The following PHLPP2 variants were observed in gnomAD, a reference collection of about 807,000 sequenced individuals.
The protein encoded by PHLPP2 is PH domain and leucine rich repeat protein phosphatase 2, also known as PH domain leucine-rich repeat-containing protein phosphatase 2.
Under a neutral mutation model 124.9 loss-of-function variants are expected in PHLPP2, and 66 were observed. The ratio of observed to expected loss-of-function variants is 0.53; its 90% CI spans 0.43 to 0.65. The LOEUF is 0.65. PHLPP2 is among the 30% of genes least tolerant of loss of function. PHLPP2 has a pLI of 0.00. For synonymous variants in PHLPP2, 681 were observed against 624.7 expected (o/e 1.09, Z -1.34); for missense variants, 1,685 against 1,600.4 (o/e 1.05, Z -0.90).
intron 2 of PHLPP2, among the ~76,000 whole-genome samples, chr16:71,712,020 T>C (rs887299199): frequency 4.6e-5 from 7 of 152,376 alleles, no homozygotes; most frequent in African/African-American, 1.2e-4. Flanking sequence ...TGCAGGGCAG[T>C]ACCTGCCTGT....
rs540816929 is a variant in PHLPP2, at chr16:71,648,822, G to C, written c.*68C>G. The C allele has an allele frequency of 7.4e-6, 8 of 1,083,698 alleles. No homozygotes were observed. The highest frequency in any genetic ancestry group is 4.3e-5 in the South Asian group (3 of 69,406). The allele number at this position is 1,083,698 out of a possible 1,614,324, so 67.1% of individuals were successfully genotyped here. A position where few individuals can be genotyped will look rare whatever the true frequency, so the allele number is the denominator to read the frequency against. On this transcript the variant is annotated 3_prime_UTR_variant, in exon 19 of 19. Coordinates refer to ENST00000568954, the MANE Select transcript of PHLPP2 (RefSeq NM_015020.3). ...ACAAACAAAAAGAAATGTAGAGGCA[G>C]AATGCCTCTAGCAAGTCCCTACCCC...
At chr16:71,674,057 T>C (rs536848135) in intron 9 of PHLPP2, among the ~76,000 whole-genome samples, 1 of 151,924 alleles carries the variant, frequency 6.6e-6, no homozygotes, top group African/African-American at 2.4e-5. Context: ...CAAACCTACA[T>C]TCTGCTTTAT....
chr16:71,721,671 GAAAAA>G (rs11339364), intron 1 of PHLPP2, among the ~76,000 whole-genome samples: 3 of 148,708 alleles, frequency 2.0e-5, no homozygotes, highest in Admixed American at 6.7e-5. Flanking sequence ...AACTGTTCTT[GAAAAA>G]AAAAAAATGA....
At chr16:71,705,922 A>T (rs1348531938) in intron 2 of PHLPP2, among the ~76,000 whole-genome samples, 1 of 152,242 alleles carries the variant, frequency 6.6e-6, no homozygotes, top group Non-Finnish European at 1.5e-5. Flanking sequence ...TTTACTCATT[A>T]AACTCTTCTG....
intron 2 of PHLPP2, among the ~76,000 whole-genome samples, chr16:71,703,385 C>T (rs2045249438): frequency 6.6e-6 from 1 of 152,022 alleles, no homozygotes; most frequent in African/African-American, 2.4e-5. Flanking sequence ...CCCTAAAGAT[C>T]ATTCTACTAC....
chr16:71,647,947 G>C lies in PHLPP2; in HGVS notation c.*943C>G, dbSNP rs1269027438. The C allele has an allele frequency of 6.6e-6, 1 of 152,544 alleles. No individual in the cohort carries two copies. The highest frequency in any genetic ancestry group is 1.5e-5 in the Non-Finnish European group (1 of 68,040). 9.4% of individuals were successfully genotyped at this position (152,544 alleles called of 1,614,324 possible). A position where few individuals can be genotyped will look rare whatever the true frequency, so the allele number is the denominator to read the frequency against. On this transcript the variant is annotated 3_prime_UTR_variant, in exon 19 of 19. Transcript: ENST00000568954. ...TCTCTGCCTATGGATGAAGGTGCCG[G>C]GCTGCCTCTAAGAAGATTGGCTCGA...
intron 13 of PHLPP2, among the ~76,000 whole-genome samples, chr16:71,660,421 ATTTT>A (rs34944080): frequency 7.7e-4 from 56 of 72,628 alleles, no homozygotes; most frequent in East Asian, 5.3e-3. Context: ...TATACACTGT[ATTTT>A]TTTTTTTTTT....
At chr16:71,694,360 C>T (rs1473669506) in intron 3 of PHLPP2, among the ~76,000 whole-genome samples, 1 of 152,000 alleles carries the variant, frequency 6.6e-6, no homozygotes, top group Non-Finnish European at 1.5e-5. Flanking sequence ...ACTCAGGAGG[C>T]TGAGGCAGGA....
rs140201720 is a variant in PHLPP2, at chr16:71,713,114, C to G, written c.284+1398G>C. Among the ~76,000 whole-genome samples the G allele has an allele frequency of 1.3e-3, 197 of 152,236 alleles. 1 individual carries two copies. The highest frequency in any genetic ancestry group is 4.4e-3 in the African/African-American group (182 of 41,560). Reference sequence around the variant, plus strand: ...TGGCTTTTAAACCCATGAAAATATGCTCATTAAGAGAAATGAAAATTAAAA... The same window carrying G: ...TGGCTTTTAAACCCATGAAAATATGGTCATTAAGAGAAATGAAAATTAAAA... On this transcript the variant is annotated intron_variant, in intron 2 of 18. Transcript: ENST00000568954.
Position 71,678,904 on chromosome 16 carries a change from C to G in PHLPP2, c.1119G>C (p.Leu373Phe). 1 of 1,612,512 alleles carries G rather than the reference C, an allele frequency of 6.2e-7. No homozygotes were observed. Among genetic ancestry groups the G allele is most frequent in the East Asian group, 2.2e-5 (1 of 44,850 alleles). Reference sequence around the variant, plus strand: ...GACTAAAGTTGTTGAAGGAAATTCCCAAGGAGGAAAGCTGTTGTAGATTTC... The same window carrying G: ...GACTAAAGTTGTTGAAGGAAATTCCGAAGGAGGAAAGCTGTTGTAGATTTC... ...ELGNLQQLSS[L>F]GISFNNFSQI... Residue 373 changes from leucine (L) to phenylalanine (F), a missense_variant, in exon 8 of 19, where the codon TTG becomes TTC. Coordinates refer to ENST00000568954, the MANE Select transcript of PHLPP2 (RefSeq NM_015020.3).
chr16:71,679,608 C>A, intron 6 of PHLPP2, 73 bp from the exon 7 acceptor site: 2 of 1,266,578 alleles, frequency 1.6e-6, no homozygotes, highest in Non-Finnish European at 2.3e-6. Context: ...GGGACATCAA[C>A]GGCCTTTGAT....
rs1206321140 is a variant in PHLPP2, at chr16:71,714,632, G to T, written c.164C>A (p.Ser55Tyr). ...TTTTTSSSSSSSSSSSDLHLV... is the reference protein window; with the variant it reads ...TTTTTSSSSSYSSSSSDLHLV... ...ATGTAAGTCAGAGGAAGAGGAGGAGGAGGAAGAGGAAGAGGAGGTGGTGGT... is the reference window on the plus strand; with the variant it reads ...ATGTAAGTCAGAGGAAGAGGAGGAGTAGGAAGAGGAAGAGGAGGTGGTGGT... Residue 55 changes from serine to tyrosine, a missense_variant, in exon 2 of 19, where the codon TCC becomes TAC. Transcript: ENST00000568954. 2 of 1,613,630 alleles carry T rather than the reference G, an allele frequency of 1.2e-6. No individual in the cohort carries two copies. The highest frequency in any genetic ancestry group is 4.5e-5 in the East Asian group (2 of 44,892).
chr16:71,684,765 G>A (rs2045037810), intron 4 of PHLPP2, 164 bp from the exon 5 acceptor site: 1 of 596,336 alleles, frequency 1.7e-6, no homozygotes, highest in East Asian at 3.0e-5. Context: ...GGTCACACAT[G>A]AACACACCCA....
chr16:71,658,208 G>T, intron 15 of PHLPP2, 25 bp downstream of exon 15: 1 of 1,607,388 alleles, frequency 6.2e-7, no homozygotes, highest in South Asian at 1.1e-5. Flanking sequence ...AGCACATAGA[G>T]ATTCCATTTC....
At chr16:71,713,803 C>T (rs926669289) in intron 2 of PHLPP2, among the ~76,000 whole-genome samples, 25 of 151,836 alleles carry the variant, frequency 1.6e-4, no homozygotes, top group Non-Finnish European at 2.6e-4. Flanking sequence ...ATATTCCTAG[C>T]GTGCATAAAG....
At chr16:71,680,303 T>A (rs924360059) in intron 6 of PHLPP2, among the ~76,000 whole-genome samples, 1 of 152,242 alleles carries the variant, frequency 6.6e-6, no homozygotes, top group Non-Finnish European at 1.5e-5. Context: ...TCTACTTTCA[T>A]ACTGAAATTA....
chr16:71,658,202 C>T (rs1477047918), intron 15 of PHLPP2, 31 bp downstream of exon 15: 1 of 1,602,854 alleles, frequency 6.2e-7, no homozygotes, highest in Non-Finnish European at 8.5e-7. Context: ...GCTAAGAGCA[C>T]ATAGAGATTC....
chr16:71,724,675 C>T lies in PHLPP2; in HGVS notation c.-353G>A, dbSNP rs754567181. On this transcript the variant is annotated 5_prime_UTR_variant, in exon 1 of 19. Coordinates refer to ENST00000568954, the MANE Select transcript of PHLPP2 (RefSeq NM_015020.3). ...AGCCTGTTTCCAGATCTCCCCTCTG[C>T]CCTTCTTTAGATCTATACCCCTGTG... 8 of 152,318 alleles carry T rather than the reference C, an allele frequency of 5.3e-5. No homozygotes were observed. Among genetic ancestry groups the T allele is most frequent in the Middle Eastern group, 6.8e-3 (2 of 294 alleles). 9.4% of individuals were successfully genotyped at this position (152,318 alleles called of 1,614,324 possible). A position where few individuals can be genotyped will look rare whatever the true frequency, so the allele number is the denominator to read the frequency against.
At chr16:71,684,452 T>C in intron 5 of PHLPP2, 24 bp downstream of exon 5, 2 of 1,613,030 alleles carry the variant, frequency 1.2e-6, no homozygotes, top group Non-Finnish European at 1.7e-6. Flanking sequence ...TATCTCCACA[T>C]CAGAACATCC....
Sources: gnomAD v4.1 joint callset for allele counts (sites outside exome capture counted in the v4.1 genomes callset) on GRCh38, gnomAD v4.1.1 for gene constraint, MANE v1.5 for transcripts, NCBI Gene and HGNC (gene_info 2026-07-23, HGNC 2026-07-21) for gene names.